The following TAF4B variants were observed in gnomAD, a reference collection of about 807,000 sequenced individuals.
TAF4B encodes TATA-box binding protein associated factor 4b.
A neutral mutation model predicts 86.4 loss-of-function variants in TAF4B; 38 were observed. That is an observed-to-expected ratio of 0.44 (90% CI 0.34 to 0.58). TAF4B has a LOEUF of 0.58. Ranked by LOEUF, TAF4B falls within the 20% of genes least tolerant of loss-of-function variation. The pLI, the probability that TAF4B is intolerant of heterozygous loss-of-function variation, is 0.02. For synonymous variants in TAF4B, 388 were observed against 391.2 expected, an observed-to-expected ratio of 0.99 and a Z score of 0.10; for missense variants, 988 against 1,027.6, an observed-to-expected ratio of 0.96 and a Z score of 0.53.
chr18:26,309,245 A>ATTTTTTTTTTTTTT (rs59457633), intron 9 of TAF4B, among the ~76,000 whole-genome samples: 2 of 84,552 alleles, frequency 2.4e-5, no homozygotes, highest in African/African-American at 7.7e-5. Flanking sequence ...ACCTGACAGT[A>ATTTTTTTTTTTTTT]TTTTTTTTTT....
intron 9 of TAF4B, among the ~76,000 whole-genome samples, chr18:26,310,121 C>T (rs931986819): frequency 1.3e-5 from 2 of 152,224 alleles, no homozygotes; most frequent in African/African-American, 4.8e-5. Flanking sequence ...CTGCACCCAG[C>T]CATCCTGTTA....
intron 9 of TAF4B, among the ~76,000 whole-genome samples, chr18:26,303,632 T>C (rs2056764874): frequency 3.9e-5 from 1 of 25,470 alleles, no homozygotes; most frequent in Admixed American, 3.3e-4. Flanking sequence ...CCCTCCACTT[T>C]CATACCCCCT....
At chr18:26,240,212 A>T (rs1010760994) in intron 1 of TAF4B, among the ~76,000 whole-genome samples, 5 of 152,138 alleles carry the variant, frequency 3.3e-5, no homozygotes, top group African/African-American at 1.2e-4. Flanking sequence ...GATTCTTCCT[A>T]TCCATGAGCA....
At chr18:26,320,644 C>T (rs1256676782) in intron 10 of TAF4B, among the ~76,000 whole-genome samples, 1 of 152,148 alleles carries the variant, frequency 6.6e-6, no homozygotes, top group African/African-American at 2.4e-5. Flanking sequence ...GACTCATAAT[C>T]TGAATTCATT....
At chr18:26,365,547 G>A (rs2144324718) in intron 14 of TAF4B, among the ~76,000 whole-genome samples, 1 of 152,286 alleles carries the variant, frequency 6.6e-6, no homozygotes, top group Non-Finnish European at 1.5e-5. Context: ...TGGTTGACAT[G>A]TGTGTCTATA....
At chr18:26,375,169 A>G (rs1469487779) in intron 14 of TAF4B, among the ~76,000 whole-genome samples, 1 of 152,168 alleles carries the variant, frequency 6.6e-6, no homozygotes, top group African/African-American at 2.4e-5. Flanking sequence ...GAATCGTACA[A>G]CATGTGGCCT....
At chr18:26,379,360 T>A (rs1158507718) in intron 14 of TAF4B, among the ~76,000 whole-genome samples, 2 of 152,144 alleles carry the variant, frequency 1.3e-5, no homozygotes, top group Admixed American at 1.3e-4. Flanking sequence ...CTTTGATCTA[T>A]CTTGATTTAG....
In TAF4B at chr18:26,245,902, G is replaced by T. The variant is rs558508581; in HGVS notation, c.343+18626G>T. On this transcript the variant is annotated intron_variant, in intron 1 of 14. Coordinates refer to ENST00000269142, the MANE Select transcript of TAF4B (RefSeq NM_005640.3). ...TTGCCTATTCGCAGGCGTTGATACT[G>T]TTTGCACTACTTTCTGCTGTTAAAA... 2.0e-3 allele frequency among the ~76,000 whole-genome samples: 309 copies of T among 152,264 alleles called. 2 individuals are homozygous for T. Among genetic ancestry groups the T allele is most frequent in the African/African-American group, 7.2e-3 (301 of 41,548 alleles).
At chr18:26,381,089 A>AT (rs2057475235) in intron 14 of TAF4B, among the ~76,000 whole-genome samples, 1 of 152,046 alleles carries the variant, frequency 6.6e-6, no homozygotes, top group Non-Finnish European at 1.5e-5. Flanking sequence ...ATCATTGCTC[A>AT]TTACAGCCTC....
intron 9 of TAF4B, among the ~76,000 whole-genome samples, chr18:26,297,084 A>G (rs140625572): frequency 2.0e-5 from 3 of 151,738 alleles, no homozygotes; most frequent in South Asian, 2.1e-4. Flanking sequence ...CAGTGAGCTG[A>G]GATTGCGCCA....
chr18:26,235,804 G>C (rs560747714), intron 1 of TAF4B, among the ~76,000 whole-genome samples: 2 of 152,300 alleles, frequency 1.3e-5, no homozygotes, highest in South Asian at 4.1e-4. Flanking sequence ...GGGTATAGGG[G>C]TTGGGTACAA....
chr18:26,384,623 G>A (rs1978314036), intron 14 of TAF4B, among the ~76,000 whole-genome samples: 2 of 152,160 alleles, frequency 1.3e-5, no homozygotes, highest in Non-Finnish European at 2.9e-5. Context: ...GACCTAGGTA[G>A]GAAAAGTTTA....
At chr18:26,338,515 G>A (rs1223858390) in intron 13 of TAF4B, among the ~76,000 whole-genome samples, 1 of 89,684 alleles carries the variant, frequency 1.1e-5, no homozygotes, top group Non-Finnish European at 2.1e-5. Flanking sequence ...TTTCGCTCTT[G>A]TTGCCCAGGC....
chr18:26,236,647 C>T (rs960793512), intron 1 of TAF4B, among the ~76,000 whole-genome samples: 15 of 152,090 alleles, frequency 9.9e-5, no homozygotes, highest in African/African-American at 2.2e-4. Flanking sequence ...CAAGCCCTAC[C>T]GGGTTATTGC....
At chr18:26,238,476 C>T (rs539331173) in intron 1 of TAF4B, among the ~76,000 whole-genome samples, 4 of 152,208 alleles carry the variant, frequency 2.6e-5, no homozygotes, top group South Asian at 2.1e-4. Context: ...ACTCTGCAGT[C>T]GGGCTTTGGG....
chr18:26,227,371 A>T (rs2055594261), intron 1 of TAF4B, 95 bp downstream of exon 1: 1 of 1,087,850 alleles, frequency 9.2e-7, no homozygotes, highest in Admixed American at 2.4e-5. Context: ...AAACTGAGCC[A>T]CGGGAACATT....
In TAF4B at chr18:26,284,613, C is replaced by T. The variant is rs992000862; in HGVS notation, c.973-1269C>T. Among the ~76,000 whole-genome samples the T allele has an allele frequency of 1.6e-4, 24 of 152,164 alleles. 1 individual carries two copies. The highest frequency in any genetic ancestry group is 1.6e-3 in the Admixed American group (24 of 15,280). ...GTATGCTTGGCTGGGCGTGGTGGCT[C>T]ACGCGTGTAATCCCAGCACTTTGGG... On this transcript the variant is annotated intron_variant, in intron 6 of 14. Coordinates refer to ENST00000269142, the MANE Select transcript of TAF4B (RefSeq NM_005640.3).
intron 1 of TAF4B, chr18:26,256,442 T>C: frequency 1.3e-6 from 1 of 772,396 alleles, no homozygotes; most frequent in Non-Finnish European, 2.3e-6. Context: ...GCCAGGCCAG[T>C]CCCCCTCAAG....
chr18:26,227,792 C>T (rs1409062757), intron 1 of TAF4B, among the ~76,000 whole-genome samples: 1 of 152,262 alleles, frequency 6.6e-6, no homozygotes. Context: ...GCTGGGATTA[C>T]AGGCGTGAGC....
Sources: gnomAD v4.1 joint callset for allele counts (sites outside exome capture counted in the v4.1 genomes callset) on GRCh38, gnomAD v4.1.1 for gene constraint, MANE v1.5 for transcripts, NCBI Gene and HGNC (gene_info 2026-07-23, HGNC 2026-07-21) for gene names.